Variants in RALGAPA1 observed in about 807,000 individuals in gnomAD.
RALGAPA1 encodes Ral GTPase activating protein catalytic subunit alpha 1, also known as ral GTPase-activating protein subunit alpha-1.
In RALGAPA1, 52 loss-of-function variants were observed where a neutral mutation model predicts 269.6. The ratio of observed to expected loss-of-function variants is 0.19; its 90% CI spans 0.15 to 0.24. The LOEUF is 0.24. Ranked by LOEUF, RALGAPA1 falls within the 10% of genes least tolerant of loss-of-function variation. RALGAPA1 has a pLI of 1.00. For synonymous variants in RALGAPA1, 817 were observed against 1,008.3 expected, an observed-to-expected ratio of 0.81 and a Z score of 3.60; for missense variants, 1,917 against 3,013.9, an observed-to-expected ratio of 0.64 and a Z score of 8.52.
intron 1 of RALGAPA1, among the ~76,000 whole-genome samples, chr14:35,792,281 T>G (rs1185582954): frequency 6.6e-6 from 1 of 152,052 alleles, no homozygotes; most frequent in East Asian, 2.0e-4. Flanking sequence ...CTCAGCCTCC[T>G]AGGTAGCTGG....
chr14:35,566,306 T>C (rs1219435556), intron 39 of RALGAPA1, among the ~76,000 whole-genome samples: 1 of 152,144 alleles, frequency 6.6e-6, no homozygotes, highest in East Asian at 1.9e-4. Context: ...GGGTAGCATA[T>C]GACAATCAAT....
intron 17 of RALGAPA1, 90 bp from the exon 18 acceptor site, chr14:35,690,093 T>TA (rs988065947): frequency 1.4e-4 from 139 of 966,176 alleles, no homozygotes; most frequent in Middle Eastern, 3.4e-4. Flanking sequence ...GCATATGCTT[T>TA]AAAAAAAATC....
At chr14:35,748,966 A>C (rs2072415625) in intron 9 of RALGAPA1, 142 bp from the exon 10 acceptor site, 9 of 1,330,122 alleles carry the variant, frequency 6.8e-6, no homozygotes, top group African/African-American at 1.5e-5. Flanking sequence ...CCGGGCATAG[A>C]GTTTCATTTA....
chr14:35,775,023 T>G lies in RALGAPA1; in HGVS notation c.250A>C (p.Ile84Leu). Reference protein sequence around the residue: ...HKSQREELDAILFIFEKILQL... With the variant: ...HKSQREELDALLFIFEKILQL... ...GCACTTACCTCAAAAATAAAAAGTA[T>G]AGCATCCAATTCCTCTCTTTGAGAC... The change falls in exon 3 of 42, where the codon ATA becomes CTA. Residue 84 changes from isoleucine (I) to leucine (L), a missense_variant. Physicochemically the swap from Ile to Leu is conservative, Grantham distance 5 (BLOSUM62 2). Coordinates refer to ENST00000680220, the MANE Select transcript of RALGAPA1 (RefSeq NM_001346249.2). 6.4e-7 allele frequency: 1 copy of G among 1,572,274 alleles called. No homozygotes were observed. The highest frequency in any genetic ancestry group is 2.3e-5 in the East Asian group (1 of 44,150).
At chr14:35,701,884 A>G (rs2067383392) in intron 16 of RALGAPA1, among the ~76,000 whole-genome samples, 1 of 152,096 alleles carries the variant, frequency 6.6e-6, no homozygotes, top group South Asian at 2.1e-4. Context: ...CCTGTGCTCA[A>G]GCGACCCTCT....
chr14:35,707,747 G>A (rs976774833), intron 16 of RALGAPA1, among the ~76,000 whole-genome samples: 5 of 152,128 alleles, frequency 3.3e-5, no homozygotes, highest in Admixed American at 2.6e-4. Context: ...AATTTGGAAG[G>A]TTGTTAGTTA....
chr14:35,778,142 C>T (rs945291435), intron 1 of RALGAPA1, among the ~76,000 whole-genome samples: 1 of 152,068 alleles, frequency 6.6e-6, no homozygotes, highest in Non-Finnish European at 1.5e-5. Context: ...CTCACTGCAG[C>T]CTCAACCTCT....
At chr14:35,786,542 G>T (rs558843769) in intron 1 of RALGAPA1, among the ~76,000 whole-genome samples, 2 of 151,616 alleles carry the variant, frequency 1.3e-5, no homozygotes, top group East Asian at 3.9e-4. Flanking sequence ...GGAGGCTGAG[G>T]CAGGAGAATG....
intron 10 of RALGAPA1, among the ~76,000 whole-genome samples, chr14:35,746,073 A>C (rs1042358823): frequency 1.3e-5 from 2 of 152,132 alleles, no homozygotes; most frequent in African/African-American, 4.8e-5. Context: ...GCCCTGTTTC[A>C]AAAAAACAAA....
chr14:35,769,806 GTAA>G (rs1484885160), intron 4 of RALGAPA1, among the ~76,000 whole-genome samples: 2 of 152,092 alleles, frequency 1.3e-5, no homozygotes, highest in East Asian at 1.9e-4. Context: ...AGAAATTGAA[GTAA>G]TAATTACAAA....
chr14:35,773,905 AATTATTATT>A (rs547517754), intron 3 of RALGAPA1, among the ~76,000 whole-genome samples: 5 of 151,210 alleles, frequency 3.3e-5, no homozygotes, highest in East Asian at 1.9e-4. Context: ...CTAAAGAGTG[AATTATTATT>A]ATTATTATTA....
chr14:35,752,682 A>G (rs565305698), intron 7 of RALGAPA1, among the ~76,000 whole-genome samples: 99 of 152,110 alleles, frequency 6.5e-4, no homozygotes, highest in Non-Finnish European at 1.3e-3. Flanking sequence ...ACAGCAGTAT[A>G]ATATAGGGTA....
At chr14:35,771,813 G>A (rs1431415931) in intron 3 of RALGAPA1, among the ~76,000 whole-genome samples, 1 of 151,598 alleles carries the variant, frequency 6.6e-6, no homozygotes, top group African/African-American at 2.4e-5. Flanking sequence ...TGGGAATACA[G>A]GCACACACCA....
Position 35,689,253 on chromosome 14 carries a change from C to A in RALGAPA1, c.3158G>T (p.Ser1053Ile). Residue 1053 changes from serine to isoleucine, a missense_variant, in exon 18 of 42, where the codon AGC (serine) becomes ATC (isoleucine). Physicochemically the swap from Ser to Ile is moderately radical, Grantham distance 142. This residue lies in a region of RALGAPA1 where 615 missense variants were observed against 790.0 expected (regional missense o/e 0.78). Transcript: ENST00000680220. ...DKQPSEPSLD[S>I]PCDKEKRKHL... ...TTTCCTTTTTTCTTTATCACAAGGG[C>A]TATCTAAACTAGGCTCTGATGGCTG... 8.1e-7 allele frequency: 1 copy of A among 1,232,252 alleles called. No individual in the cohort carries two copies. Among genetic ancestry groups the A allele is most frequent in the Non-Finnish European group, 1.0e-6 (1 of 988,098 alleles). The allele number at this position is 1,232,252 out of a possible 1,614,324, so 76.3% of individuals were successfully genotyped here.
intron 33 of RALGAPA1, among the ~76,000 whole-genome samples, chr14:35,628,578 T>C (rs2061134527): frequency 6.6e-6 from 1 of 152,252 alleles, no homozygotes; most frequent in Admixed American, 6.5e-5. Flanking sequence ...AGTTTGTAGA[T>C]GCCTTAAATG....
chr14:35,791,150 A>C lies in RALGAPA1; in HGVS notation c.107-15405T>G, dbSNP rs542697244. 4.6e-5 allele frequency among the ~76,000 whole-genome samples: 7 copies of C among 152,330 alleles called. No homozygotes were observed. The East Asian group carries it at 1.4e-3, about 29-fold the overall frequency. ...ATGGGTGCTGAAGTATAATAGCAGC[A>C]ACAGAGGCATAACAGTAGCAATATT... On this transcript the variant is annotated intron_variant, in intron 1 of 41. Transcript: ENST00000680220.
chr14:35,602,931 G>GGTTTCATT (rs1303987293), intron 36 of RALGAPA1, among the ~76,000 whole-genome samples: 8 of 152,068 alleles, frequency 5.3e-5, no homozygotes, highest in Non-Finnish European at 1.2e-4. Context: ...TATGGTATGG[G>GGTTTCATT]GTAAGAGTCT....
At chr14:35,721,485 T>C (rs542942008) in intron 16 of RALGAPA1, among the ~76,000 whole-genome samples, 1 of 152,270 alleles carries the variant, frequency 6.6e-6, no homozygotes, top group South Asian at 2.1e-4. Flanking sequence ...ATAAAAATAA[T>C]GTCCAATAAA....
intron 31 of RALGAPA1, among the ~76,000 whole-genome samples, chr14:35,639,887 C>A (rs1176473519): frequency 6.7e-6 from 1 of 149,428 alleles, no homozygotes; most frequent in East Asian, 2.0e-4. Flanking sequence ...TGCAGTGAGT[C>A]AAGATTGCAC....
Sources: gnomAD v4.1 joint callset for allele counts (sites outside exome capture counted in the v4.1 genomes callset) on GRCh38, gnomAD v4.1.1 for gene constraint, gnomAD v4.1.1 regional missense constraint, MANE v1.5 for transcripts, NCBI Gene and HGNC (gene_info 2026-07-23, HGNC 2026-07-21) for gene names.